BEND6: variants seen among roughly 807,000 people sequenced by gnomAD.
BEND6 encodes BEN domain-containing protein 6.
BEND6 carries 24 observed loss-of-function variants against 31.8 expected under a neutral mutation model. The ratio of observed to expected loss-of-function variants is 0.75; its 90% CI spans 0.55 to 1.06. The LOEUF (loss-of-function observed/expected upper bound fraction) is 1.06. Ranked by LOEUF, BEND6 falls within the 50% of genes least tolerant of loss-of-function variation. The pLI is 0.00. For synonymous variants in BEND6, 109 were observed against 114.6 expected, an observed-to-expected ratio of 0.95 and a Z score of 0.31; for missense variants, 294 against 327.4, an observed-to-expected ratio of 0.90 and a Z score of 0.79.
At chr6:56,984,118 G>A (rs1826167799) in intron 2 of BEND6, among the ~76,000 whole-genome samples, 1 of 152,044 alleles carries the variant, frequency 6.6e-6, no homozygotes, top group African/African-American at 2.4e-5. Flanking sequence ...CTACTTGGGA[G>A]GTTGAGGTGG....
intron 3 of BEND6, 140 bp downstream of exon 3, chr6:56,992,695 A>G: frequency 3.1e-6 from 3 of 973,426 alleles, no homozygotes; most frequent in Non-Finnish European, 4.4e-6. Flanking sequence ...AGAAAAAATC[A>G]CTGATTATAT....
chr6:56,997,763 A>G (rs902258885), intron 3 of BEND6, among the ~76,000 whole-genome samples: 2 of 152,170 alleles, frequency 1.3e-5, no homozygotes, highest in African/African-American at 4.8e-5. Flanking sequence ...CGCATTAGCC[A>G]GGATGGTCTT....
At chr6:56,967,922 C>G (rs1825542777) in intron 1 of BEND6, among the ~76,000 whole-genome samples, 1 of 152,184 alleles carries the variant, frequency 6.6e-6, no homozygotes, top group Non-Finnish European at 1.5e-5. Flanking sequence ...ATACTTGTTC[C>G]TACCACAAAG....
Position 57,017,357 on chromosome 6 carries a change from GTAAAACCAGCTA to G in BEND6, c.672_683del (p.Lys225_Met228del), listed in dbSNP as rs1827600453. ...ATCCTCTACTTCAAGGGACAAAGCT[GTAAAACCAGCTA>G]TGAATCAGAATGAAGTCCAAGAAAT... On this transcript the variant is annotated inframe_deletion, in exon 5 of 7. Coordinates refer to ENST00000370746, the MANE Select transcript of BEND6 (RefSeq NM_152731.3). 1 of 1,387,788 alleles carries G rather than the reference GTAAAACCAGCTA, an allele frequency of 7.2e-7. No individual in the cohort carries two copies. Among genetic ancestry groups the G allele is most frequent in the South Asian group, 2.0e-5 (1 of 49,032 alleles). The allele number at this position is 1,387,788 out of a possible 1,614,324, so 86.0% of individuals were successfully genotyped here.
At chr6:57,011,483 C>G (rs1320177170) in intron 3 of BEND6, among the ~76,000 whole-genome samples, 3 of 151,870 alleles carry the variant, frequency 2.0e-5, no homozygotes, top group Non-Finnish European at 4.4e-5. Flanking sequence ...GTAATCCCAG[C>G]GCTTTGGGAG....
intron 3 of BEND6, among the ~76,000 whole-genome samples, chr6:57,012,574 A>AT (rs1196521812): frequency 1.3e-5 from 2 of 152,172 alleles, no homozygotes; most frequent in African/African-American, 4.8e-5. Flanking sequence ...TTTGCCTTTA[A>AT]TTGTATGTAA....
At chr6:56,996,265 G>A (rs992456518) in intron 3 of BEND6, among the ~76,000 whole-genome samples, 2 of 152,042 alleles carry the variant, frequency 1.3e-5, no homozygotes, top group African/African-American at 4.8e-5. Flanking sequence ...TGGGCAACGT[G>A]ACAAAACTCC....
chr6:57,004,985 G>C (rs1159038564), intron 3 of BEND6, among the ~76,000 whole-genome samples: 2 of 152,176 alleles, frequency 1.3e-5, no homozygotes, highest in Non-Finnish European at 2.9e-5. Flanking sequence ...AAAGAATTAA[G>C]AAGTAATTGT....
chr6:57,018,397 T>C (rs1053814535), intron 5 of BEND6, 24 bp from the exon 6 acceptor site: 1 of 1,575,170 alleles, frequency 6.3e-7, no homozygotes, highest in Admixed American at 2.0e-5. Context: ...AAGTTTCTCA[T>C]GTGTCGCTAT....
chr6:57,003,809 G>A (rs1189164672), intron 3 of BEND6, among the ~76,000 whole-genome samples: 1 of 152,004 alleles, frequency 6.6e-6, no homozygotes, highest in Non-Finnish European at 1.5e-5. Context: ...AAATCAAACA[G>A]CACATCAAAA....
At chr6:56,984,296 G>A (rs1826175899) in intron 2 of BEND6, among the ~76,000 whole-genome samples, 1 of 151,944 alleles carries the variant, frequency 6.6e-6, no homozygotes, top group Non-Finnish European at 1.5e-5. Flanking sequence ...ACATAGGAGG[G>A]TGATTTATAC....
intron 3 of BEND6, among the ~76,000 whole-genome samples, chr6:56,996,045 G>A (rs1251964478): frequency 2.0e-5 from 3 of 152,062 alleles, no homozygotes; most frequent in South Asian, 4.1e-4. Flanking sequence ...CTGATTCATT[G>A]TCTCATCCTC....
chr6:56,958,309 TC>T (rs2127835958), intron 1 of BEND6, among the ~76,000 whole-genome samples: 2 of 152,286 alleles, frequency 1.3e-5, no homozygotes, highest in African/African-American at 4.8e-5. Flanking sequence ...GGCAGAAACA[TC>T]TTCCTCAGTA....
chr6:56,981,273 C>G (rs561850161), intron 1 of BEND6, among the ~76,000 whole-genome samples: 23 of 152,180 alleles, frequency 1.5e-4, no homozygotes, highest in African/African-American at 5.3e-4. Context: ...GAAAAAAAAC[C>G]TTTTAAGAAA....
At chr6:57,013,399 T>C (rs1358857002) in intron 3 of BEND6, among the ~76,000 whole-genome samples, 1 of 152,210 alleles carries the variant, frequency 6.6e-6, no homozygotes, top group Non-Finnish European at 1.5e-5. Flanking sequence ...ACAATACACA[T>C]AAAGTATTGT....
intron 3 of BEND6, among the ~76,000 whole-genome samples, chr6:57,014,885 G>A (rs192360248): frequency 6.6e-6 from 1 of 152,196 alleles, no homozygotes; most frequent in East Asian, 1.9e-4. Flanking sequence ...ACAAAGTAAT[G>A]CATATACATT....
intron 3 of BEND6, among the ~76,000 whole-genome samples, chr6:57,003,310 G>A (rs1477559447): frequency 6.6e-6 from 1 of 152,064 alleles, no homozygotes; most frequent in Admixed American, 6.6e-5. Context: ...GATCAGCTGG[G>A]GCAACAACAC....
chr6:56,957,330 A>C (rs1384011477), intron 1 of BEND6, among the ~76,000 whole-genome samples: 1 of 152,226 alleles, frequency 6.6e-6, no homozygotes, highest in African/African-American at 2.4e-5. Context: ...CAGTTGTCTT[A>C]AAGATACTAA....
At chr6:57,021,873 C>T (rs1827754771) in intron 6 of BEND6, among the ~76,000 whole-genome samples, 2 of 152,114 alleles carry the variant, frequency 1.3e-5, no homozygotes, top group African/African-American at 4.8e-5. Context: ...ATTTAGCCAC[C>T]TTCCTCCAAC....
Sources: gnomAD v4.1 joint callset for allele counts (sites outside exome capture counted in the v4.1 genomes callset) on GRCh38, gnomAD v4.1.1 for gene constraint, MANE v1.5 for transcripts, NCBI Gene and HGNC (gene_info 2026-07-23, HGNC 2026-07-21) for gene names.